The following CDH4 variants were observed in gnomAD, a reference collection of about 807,000 sequenced individuals.
CDH4 encodes the protein cadherin-4.
In CDH4, 33 loss-of-function variants were observed where a neutral mutation model predicts 86.0. That is an observed-to-expected ratio of 0.38 (90% CI 0.29 to 0.51). The LOEUF (loss-of-function observed/expected upper bound fraction) is 0.51, where lower values mean the gene tolerates loss of function less well. Among genes scored for constraint, CDH4 ranks in the 20% least tolerant of loss-of-function variants. The probability of loss-of-function intolerance (pLI) is 0.86; values close to 1 mark genes in which losing one functional copy is unlikely to be tolerated. For missense variants in CDH4, 1,114 were observed against 1,307.4 expected (o/e 0.85, Z 2.28); for synonymous variants, 555 against 549.4 (o/e 1.01, Z -0.14).
chr20:61,439,985 A>C (rs1010293870), intron 2 of CDH4, among the ~76,000 whole-genome samples: 2 of 152,248 alleles, frequency 1.3e-5, no homozygotes, highest in Admixed American at 1.3e-4. Context: ...TAATACACTC[A>C]GGTCATCACG....
chr20:61,498,001 A>G (rs1188448352), intron 2 of CDH4, among the ~76,000 whole-genome samples: 1 of 147,750 alleles, frequency 6.8e-6, no homozygotes, highest in African/African-American at 2.5e-5. Context: ...GGTGGGAATT[A>G]AACAATGAGA....
At chr20:61,748,521 A>G (rs2088446586) in intron 3 of CDH4, among the ~76,000 whole-genome samples, 1 of 152,276 alleles carries the variant, frequency 6.6e-6, no homozygotes, top group South Asian at 2.1e-4. Flanking sequence ...AACAAAAATA[A>G]AACAAGTTGA....
At chr20:61,853,857 C>A (rs1291535558) in intron 6 of CDH4, among the ~76,000 whole-genome samples, 1 of 152,152 alleles carries the variant, frequency 6.6e-6, no homozygotes, top group African/African-American at 2.4e-5. Flanking sequence ...TTGGGACAAA[C>A]CTTTGCCCGG....
intron 2 of CDH4, among the ~76,000 whole-genome samples, chr20:61,732,418 C>G (rs1177487665): frequency 1.3e-5 from 2 of 152,182 alleles, no homozygotes; most frequent in Non-Finnish European, 2.9e-5. Context: ...CCGGAGCCCA[C>G]AGGCACTGCC....
intron 9 of CDH4, among the ~76,000 whole-genome samples, chr20:61,917,658 G>A (rs1053718716): frequency 6.6e-6 from 1 of 152,108 alleles, no homozygotes; most frequent in African/African-American, 2.4e-5. Context: ...TGCCCACTCC[G>A]CCCAGCCGGT....
chr20:61,488,965 T>C (rs998344924), intron 2 of CDH4, among the ~76,000 whole-genome samples: 1 of 152,202 alleles, frequency 6.6e-6, no homozygotes, highest in African/African-American at 2.4e-5. Flanking sequence ...TTTAAATTCA[T>C]CCATCAGTTT....
At chr20:61,822,643 C>A (rs1386341282) in intron 4 of CDH4, among the ~76,000 whole-genome samples, 1 of 152,164 alleles carries the variant, frequency 6.6e-6, no homozygotes, top group Non-Finnish European at 1.5e-5. Context: ...TCTAGAGGCA[C>A]CCCCGACGCC....
At chr20:61,373,527 G>A (rs373486434) in intron 2 of CDH4, among the ~76,000 whole-genome samples, 1 of 152,142 alleles carries the variant, frequency 6.6e-6, no homozygotes, top group African/African-American at 2.4e-5. Context: ...CCTGGGGCTC[G>A]CAGGACCATT....
chr20:61,383,283 TATATATGAATATATGTGATATATATGA>T lies in CDH4; in HGVS notation c.169+128354_169+128380del, dbSNP rs1568822418. ...ATATGTGATATATATGAATATATGA[TATATATGAATATATGTGATATATATGA>T]ATATATGTGATATATATGAATATAT... On this transcript the variant is annotated intron_variant, in intron 2 of 15. Transcript: ENST00000614565. Among the ~76,000 whole-genome samples, 20 of 123,004 alleles carry T rather than the reference TATATATGAATATATGTGATATATATGA, an allele frequency of 1.6e-4. 3 individuals carry two copies. The highest frequency in any genetic ancestry group is 6.4e-4 in the African/African-American group (19 of 29,544). 80.7% of individuals were successfully genotyped at this position (123,004 alleles called of 152,430 possible). A position where few individuals can be genotyped will look rare whatever the true frequency, so the allele number is the denominator to read the frequency against.
chr20:61,380,797 G>A (rs188107009), intron 2 of CDH4, among the ~76,000 whole-genome samples: 1 of 152,246 alleles, frequency 6.6e-6, no homozygotes, highest in East Asian at 1.9e-4. Context: ...TGCAGCTTCG[G>A]CAAATGAAAG....
chr20:61,797,910 G>GACC (rs1979620802), intron 4 of CDH4, among the ~76,000 whole-genome samples: 1 of 152,216 alleles, frequency 6.6e-6, no homozygotes, highest in Non-Finnish European at 1.5e-5. Context: ...GCAGGACACG[G>GACC]ACCGCAGGTT....
intron 2 of CDH4, among the ~76,000 whole-genome samples, chr20:61,293,476 G>T (rs1305754377): frequency 6.6e-6 from 1 of 152,156 alleles, no homozygotes; most frequent in East Asian, 1.9e-4. Flanking sequence ...GGGAAGGAAG[G>T]TCAGTCACTC....
rs189900989 is a variant in CDH4 at position 61,617,038 on chromosome 20, A to G, written c.170-126525A>G. On this transcript the variant is annotated intron_variant, in intron 2 of 15. Transcript: ENST00000614565. ...TGCCTCTGAGCCTGCCCCTGTCACT[A>G]TGGGACAGAAGAACACCCACAAGTG... Among the ~76,000 whole-genome samples, 7 of 152,290 alleles carry G rather than the reference A, an allele frequency of 4.6e-5. No homozygotes were observed. The East Asian group carries it at 5.8e-4, about 13-fold the overall frequency.
At chr20:61,572,096 G>T (rs564846052) in intron 2 of CDH4, among the ~76,000 whole-genome samples, 2 of 152,180 alleles carry the variant, frequency 1.3e-5, no homozygotes, top group Admixed American at 6.5e-5. Flanking sequence ...TTTATCCTGA[G>T]GGCTGCTGCC....
intron 2 of CDH4, among the ~76,000 whole-genome samples, chr20:61,288,348 C>T (rs1466835996): frequency 6.6e-6 from 1 of 152,224 alleles, no homozygotes; most frequent in Non-Finnish European, 1.5e-5. Flanking sequence ...TCTTGGCAGA[C>T]AACCTAATGC....
chr20:61,609,178 C>A (rs190556684), intron 2 of CDH4, among the ~76,000 whole-genome samples: 18 of 152,340 alleles, frequency 1.2e-4, no homozygotes, highest in Admixed American at 1.0e-3. Context: ...CTCAGTATGT[C>A]TCTCTGAATC....
intron 2 of CDH4, among the ~76,000 whole-genome samples, chr20:61,288,768 C>T (rs961124762): frequency 5.9e-5 from 9 of 152,202 alleles, no homozygotes; most frequent in East Asian, 1.9e-4. Flanking sequence ...CTGACGTTGC[C>T]GGCTGCTCCA....
chr20:61,299,135 G>A (rs1050060674), intron 2 of CDH4, among the ~76,000 whole-genome samples: 2 of 152,286 alleles, frequency 1.3e-5, no homozygotes, highest in South Asian at 2.1e-4. Context: ...ATCAGGGTGG[G>A]CCCTAAATCC....
intron 2 of CDH4, among the ~76,000 whole-genome samples, chr20:61,626,941 G>C (rs2086834770): frequency 6.6e-6 from 1 of 152,176 alleles, no homozygotes; most frequent in African/African-American, 2.4e-5. Flanking sequence ...CAGGGCTTCA[G>C]AATCCTCTTC....
Sources: allele counts gnomAD v4.1 joint callset (sites outside exome capture counted in the v4.1 genomes callset), GRCh38; gene constraint gnomAD v4.1.1; transcripts MANE v1.5; gene names NCBI Gene and HGNC (gene_info 2026-07-23, HGNC 2026-07-21).